The following FHIT variants were observed in gnomAD, a reference collection of about 807,000 sequenced individuals.
FHIT encodes the protein bis(5'-adenosyl)-triphosphatase.
A neutral mutation model predicts 17.9 loss-of-function variants in FHIT; 19 were observed. The ratio of observed to expected loss-of-function variants is 1.06; its 90% CI spans 0.74 to 1.56. The LOEUF (loss-of-function observed/expected upper bound fraction) is 1.56. FHIT is among the 40% of genes most tolerant of loss of function. The pLI is 0.00. For missense variants in FHIT, 248 were observed against 189.2 expected (o/e 1.31, Z -1.82); for synonymous variants, 81 against 69.7 (o/e 1.16, Z -0.81).
At chr3:59,973,361 C>T (rs1367612176) in intron 7 of FHIT, among the ~76,000 whole-genome samples, 1 of 152,054 alleles carries the variant, frequency 6.6e-6, no homozygotes, top group Non-Finnish European at 1.5e-5. Flanking sequence ...ACTGCCTTAT[C>T]TTGCATTTTT....
At chr3:60,963,003 G>C (rs1709537583) in intron 3 of FHIT, among the ~76,000 whole-genome samples, 1 of 152,162 alleles carries the variant, frequency 6.6e-6, no homozygotes, top group African/African-American at 2.4e-5. Flanking sequence ...CAGAAGGAAT[G>C]GTACCCGCTC....
chr3:60,660,011 T>A (rs1341375654), intron 4 of FHIT, among the ~76,000 whole-genome samples: 1 of 152,208 alleles, frequency 6.6e-6, no homozygotes, highest in Non-Finnish European at 1.5e-5. Flanking sequence ...CCTTCTCACA[T>A]CTTTTGTGAG....
At chr3:60,073,905 C>T (rs957929951) in intron 5 of FHIT, among the ~76,000 whole-genome samples, 5 of 152,182 alleles carry the variant, frequency 3.3e-5, no homozygotes, top group African/African-American at 9.6e-5. Context: ...GTATTTCCCA[C>T]TGAAGTAAAT....
rs144214262 is a variant in FHIT at position 60,145,363 on chromosome 3, C to T, written c.104-131211G>A. ...TCACCACTTGGGCTTGTACATTATT[C>T]TACTGATTTTCTACAGTGGCGTGGG... On this transcript the variant is annotated intron_variant, in intron 5 of 9. Transcript: ENST00000492590. Among the ~76,000 whole-genome samples the T allele has an allele frequency of 4.3e-4, 65 of 152,282 alleles. 1 individual carries two copies. In the East Asian group the frequency reaches 0.013, roughly 29 times the overall value.
chr3:61,030,362 T>C (rs948473932), intron 3 of FHIT, among the ~76,000 whole-genome samples: 13 of 152,338 alleles, frequency 8.5e-5, no homozygotes, highest in East Asian at 1.9e-4. Flanking sequence ...ATTCAATACG[T>C]TTGCGAGATC....
In FHIT at chr3:60,009,165, ATGTGTGTGTGTGTGTGTGTGTGTGTG is replaced by A. The variant is rs753809976; in HGVS notation, c.279+2180_279+2205del. On this transcript the variant is annotated intron_variant, in intron 7 of 9. Transcript: ENST00000492590. ...AACCTTCATTGTTCTCTGGGATTTTATGTGTGTGTGTGTGTGTGTGTGTGTGTGTGTGTGTGTGTGTGTGTGTGTGT... is the reference window on the plus strand; with the variant it reads ...AACCTTCATTGTTCTCTGGGATTTTATGTGTGTGTGTGTGTGTGTGTGTGT... Among the ~76,000 whole-genome samples, 117 of 54,130 alleles carry A rather than the reference ATGTGTGTGTGTGTGTGTGTGTGTGTG, an allele frequency of 2.2e-3. 1 individual carries two copies. Among genetic ancestry groups the A allele is most frequent in the African/African-American group, 2.3e-3 (45 of 19,212 alleles). The allele number at this position is 54,130 out of a possible 152,430, so 35.5% of individuals were successfully genotyped here.
At chr3:60,476,391 A>T (rs139095663) in intron 5 of FHIT, among the ~76,000 whole-genome samples, 45 of 152,314 alleles carry the variant, frequency 3.0e-4, no homozygotes, top group Non-Finnish European at 6.3e-4. Context: ...AGTTAAAACC[A>T]AATCCAGACA....
intron 3 of FHIT, among the ~76,000 whole-genome samples, chr3:60,826,739 C>T (rs898863270): frequency 5.9e-5 from 9 of 152,194 alleles, no homozygotes; most frequent in Non-Finnish European, 1.0e-4. Context: ...CCATGGTCTT[C>T]ACTGCATCCC....
chr3:60,712,544 G>A (rs1485322814), intron 4 of FHIT, among the ~76,000 whole-genome samples: 4 of 151,714 alleles, frequency 2.6e-5, no homozygotes, highest in Admixed American at 2.6e-4. Flanking sequence ...CTCACATACA[G>A]AGACACACAT....
At chr3:60,206,237 T>G (rs1481058892) in intron 5 of FHIT, among the ~76,000 whole-genome samples, 1 of 151,788 alleles carries the variant, frequency 6.6e-6, no homozygotes, top group East Asian at 1.9e-4. Flanking sequence ...GATTTTCTTG[T>G]TCTTGCTGCT....
chr3:60,023,935 C>A (rs958397465), intron 5 of FHIT, among the ~76,000 whole-genome samples: 4 of 151,668 alleles, frequency 2.6e-5, no homozygotes, highest in Non-Finnish European at 5.9e-5. Flanking sequence ...GACCAGTGAA[C>A]CAGTCCAGAC....
chr3:61,054,324 T>A (rs2034137292), intron 2 of FHIT, among the ~76,000 whole-genome samples: 1 of 151,826 alleles, frequency 6.6e-6, no homozygotes, highest in Non-Finnish European at 1.5e-5. Context: ...TGATGTCAAC[T>A]CAATATAATT....
chr3:60,657,447 G>A (rs1346043984), intron 4 of FHIT, among the ~76,000 whole-genome samples: 1 of 152,116 alleles, frequency 6.6e-6, no homozygotes, highest in Non-Finnish European at 1.5e-5. Context: ...TCCTTGTCCT[G>A]GGTCCTTTGA....
chr3:60,006,692 T>TA (rs1699938503), intron 7 of FHIT, among the ~76,000 whole-genome samples: 1 of 151,056 alleles, frequency 6.6e-6, no homozygotes, highest in Non-Finnish European at 1.5e-5. Flanking sequence ...TCAGAGAGGC[T>TA]AAAAGGCTGA....
intron 4 of FHIT, among the ~76,000 whole-genome samples, chr3:60,694,165 G>A (rs946429929): frequency 2.0e-5 from 3 of 152,148 alleles, no homozygotes; most frequent in African/African-American, 7.2e-5. Context: ...AAAAACATGG[G>A]TAAGGAACAG....
intron 4 of FHIT, among the ~76,000 whole-genome samples, chr3:60,576,516 G>A (rs2037570665): frequency 6.6e-6 from 1 of 152,024 alleles, no homozygotes; most frequent in South Asian, 2.1e-4. Context: ...AAAAAATCTG[G>A]GACAATCCGT....
intron 5 of FHIT, among the ~76,000 whole-genome samples, chr3:60,290,786 G>A (rs1005951238): frequency 6.6e-5 from 10 of 152,010 alleles, no homozygotes; most frequent in Admixed American, 2.0e-4. Flanking sequence ...AGATAAAATG[G>A]CATAACTGAA....
intron 4 of FHIT, among the ~76,000 whole-genome samples, chr3:60,554,756 A>C (rs2036686035): frequency 6.6e-6 from 1 of 152,242 alleles, no homozygotes; most frequent in South Asian, 2.1e-4. Context: ...GAACAAATTA[A>C]AGTTCCCAAC....
chr3:60,097,882 A>C (rs1704026485), intron 5 of FHIT, among the ~76,000 whole-genome samples: 2 of 108,050 alleles, frequency 1.9e-5, no homozygotes, highest in African/African-American at 3.7e-5. Flanking sequence ...ACCCCACAAC[A>C]GGCCCCGGTG....
Sources: allele counts gnomAD v4.1 joint callset (sites outside exome capture counted in the v4.1 genomes callset), GRCh38; gene constraint gnomAD v4.1.1; transcripts MANE v1.5; gene names NCBI Gene and HGNC (gene_info 2026-07-23, HGNC 2026-07-21).